Variants in HAUS3 observed in about 807,000 individuals in gnomAD.
HAUS3 encodes the protein HAUS augmin like complex subunit 3, also known as HAUS augmin-like complex subunit 3.
In HAUS3, 36 loss-of-function variants were observed where a neutral mutation model predicts 55.2. The observed-to-expected ratio is 0.65, with a 90% confidence interval of 0.50 to 0.86. The LOEUF is 0.86. HAUS3 is among the 40% of genes least tolerant of loss of function. The probability of loss-of-function intolerance (pLI) is 0.00; values close to 1 mark genes in which losing one functional copy is unlikely to be tolerated. For missense variants in HAUS3, 752 were observed against 671.5 expected, an observed-to-expected ratio of 1.12 and a Z score of -1.33; for synonymous variants, 234 against 238.6, an observed-to-expected ratio of 0.98 and a Z score of 0.18.
chr4:2,239,059 C>T lies in HAUS3; in HGVS notation c.910-16G>A, dbSNP rs770949327. The T allele has an allele frequency of 1.4e-6, 2 of 1,392,484 alleles. No homozygotes were observed. The highest frequency in any genetic ancestry group is 1.9e-6 in the Non-Finnish European group (2 of 1,048,736). The allele number at this position is 1,392,484 out of a possible 1,614,324, so 86.3% of individuals were successfully genotyped here. ...TGTCCACAGCCTATACAAAGAAAAG[C>T]AATTACATTTCAAACTGTATGCCTA... is the stretch of plus-strand genomic sequence containing the variant. On this transcript the variant is annotated splice_polypyrimidine_tract_variant and intron_variant, in intron 3 of 5. Transcript: ENST00000443786.
intron 4 of HAUS3, among the ~76,000 whole-genome samples, chr4:2,237,355 G>C (rs1480877798): frequency 1.3e-5 from 2 of 149,040 alleles, no homozygotes; most frequent in African/African-American, 2.5e-5. Context: ...AGGATCACTT[G>C]AGCCCAGGAG....
rs1734477966 is a variant in HAUS3, at chr4:2,228,925, G to C, written c.*3002C>G. 5.8e-6 allele frequency: 3 copies of C among 519,752 alleles called. No individual in the cohort carries two copies. The highest frequency in any genetic ancestry group is 1.0e-5 in the Non-Finnish European group (3 of 297,350). The allele number at this position is 519,752 out of a possible 1,614,324, so 32.2% of individuals were successfully genotyped here. A position where few individuals can be genotyped will look rare whatever the true frequency, so the allele number is the denominator to read the frequency against. On this transcript the variant is annotated 3_prime_UTR_variant, in exon 6 of 6. Transcript: ENST00000443786. ...AGTGTTACATTTTTAAAGCAATGAA[G>C]GTTAAGGGAACACGAAAGTTAGCAA...
rs1734874999 is a variant in HAUS3 at position 2,239,017 on chromosome 4, A to G, written c.936T>C (p.Ala312=). The G allele has an allele frequency of 6.5e-7, 1 of 1,538,642 alleles. No homozygotes were observed. Among genetic ancestry groups the G allele is most frequent in the Admixed American group, 2.2e-5 (1 of 45,974 alleles). ...SKAVDKENLD[A]KISSLTSEIM... is the part of the protein sequence containing the mutation. ...TCTCACTGGTCAAGCTAGAAATTTTAGCATCCAAATTTTCTTTGTCCACAG... is the reference window on the plus strand; with the variant it reads ...TCTCACTGGTCAAGCTAGAAATTTTGGCATCCAAATTTTCTTTGTCCACAG... Residue 312 remains alanine (A), a synonymous_variant, in exon 4 of 6, where the codon GCT becomes GCC. Transcript: ENST00000443786.
At chr4:2,241,956 AG>A in intron 1 of HAUS3, 94 bp downstream of exon 1, 1 of 985,506 alleles carries the variant, frequency 1.0e-6, no homozygotes, top group Non-Finnish European at 1.2e-6. Context: ...CCAGGAGCGC[AG>A]GAAAAAAAAG....
intron 5 of HAUS3, among the ~76,000 whole-genome samples, chr4:2,234,835 T>C (rs752983706): frequency 1.3e-5 from 2 of 152,166 alleles, no homozygotes; most frequent in African/African-American, 2.4e-5. Context: ...ATATAACTTA[T>C]AAAATAGACT....
rs371093295 is a variant in HAUS3, at chr4:2,231,898, C to T, written c.*29G>A. 1.9e-5 allele frequency: 18 copies of T among 941,414 alleles called. No individual in the cohort carries two copies. The highest frequency in any genetic ancestry group is 4.4e-4 in the Middle Eastern group (2 of 4,584). 58.3% of individuals were successfully genotyped at this position (941,414 alleles called of 1,614,324 possible). A position where few individuals can be genotyped will look rare whatever the true frequency, so the allele number is the denominator to read the frequency against. ...GTCTTCTAATAAATAAAAGAGGACA[C>T]GTAATAAAGATTCAGTTTTCAGTAA... On this transcript the variant is annotated 3_prime_UTR_variant, in exon 6 of 6. Coordinates refer to ENST00000443786, the MANE Select transcript of HAUS3 (RefSeq NM_001303143.2).
In HAUS3 at chr4:2,236,548, A is replaced by G. The variant is rs1734774412; in HGVS notation, c.1350-92T>C. 9 of 822,308 alleles carry G rather than the reference A, an allele frequency of 1.1e-5. No homozygotes were observed. The Admixed American group carries it at 2.0e-4, about 18-fold the overall frequency. 50.9% of individuals were successfully genotyped at this position (822,308 alleles called of 1,614,324 possible). A position where few individuals can be genotyped will look rare whatever the true frequency, so the allele number is the denominator to read the frequency against. The stretch of plus-strand genomic sequence containing the variant: ...CCACTGTATTGGGGCATTTGTGGGG[A>G]TAGCTAAGTAACAACTTATAAAAAT... On this transcript the variant is annotated intron_variant, in intron 4 of 5. Transcript: ENST00000443786.
At chr4:2,239,912 G>C in intron 3 of HAUS3, 126 bp downstream of exon 3, 1 of 747,916 alleles carries the variant, frequency 1.3e-6, no homozygotes, top group Non-Finnish European at 2.2e-6. Context: ...AATAAGCACT[G>C]AACAAAGAAA....
In HAUS3 at chr4:2,229,293, TATAAA is replaced by T. The variant is rs1734492935; in HGVS notation, c.*2629_*2633del. On this transcript the variant is annotated 3_prime_UTR_variant, in exon 6 of 6. Coordinates refer to ENST00000443786, the MANE Select transcript of HAUS3 (RefSeq NM_001303143.2). The stretch of plus-strand genomic sequence containing the variant: ...AAATCCCATATATTAATCCTAAGAC[TATAAA>T]ACAGGAAATACAATTATTTTCAAAA... 11 of 1,377,114 alleles carry T rather than the reference TATAAA, an allele frequency of 8.0e-6. 1 individual carries two copies. In the South Asian group the frequency reaches 1.6e-4, roughly 20 times the overall value. The allele number at this position is 1,377,114 out of a possible 1,614,324, so 85.3% of individuals were successfully genotyped here. A position where few individuals can be genotyped will look rare whatever the true frequency, so the allele number is the denominator to read the frequency against.
At position 2,229,094 on chromosome 4, in the gene HAUS3, C is replaced by G. The variant is rs1275736707; in HGVS notation, c.*2833G>C. 2 of 1,577,194 alleles carry G rather than the reference C, an allele frequency of 1.3e-6. No homozygotes were observed. Among genetic ancestry groups the G allele is most frequent in the African/African-American group, 1.4e-5 (1 of 72,904 alleles). Reference sequence around the variant, plus strand: ...GAGAAAGAAAGGTTCATAAAAATTACTTACTCTCTGTACTCTTTCCCCAAG... The same window carrying G: ...GAGAAAGAAAGGTTCATAAAAATTAGTTACTCTCTGTACTCTTTCCCCAAG... On this transcript the variant is annotated 3_prime_UTR_variant, in exon 6 of 6. Transcript: ENST00000443786.
In HAUS3 at chr4:2,228,997, G is replaced by A. The variant is rs1734481948; in HGVS notation, c.*2930C>T. ...AATGAGTGTAAAAGGGGCGGGAGCT[G>A]GGCTTCATCTGTCTACATGCATTCC... On this transcript the variant is annotated 3_prime_UTR_variant, in exon 6 of 6. Transcript: ENST00000443786. 6.8e-6 allele frequency: 8 copies of A among 1,176,660 alleles called. No individual in the cohort carries two copies. The highest frequency in any genetic ancestry group is 1.6e-5 in the African/African-American group (1 of 63,262). The allele number at this position is 1,176,660 out of a possible 1,614,324, so 72.9% of individuals were successfully genotyped here.
Position 2,228,883 on chromosome 4 carries a change from C to A in HAUS3, c.*3044G>T, listed in dbSNP as rs892577813. On this transcript the variant is annotated 3_prime_UTR_variant, in exon 6 of 6. Coordinates refer to ENST00000443786, the MANE Select transcript of HAUS3 (RefSeq NM_001303143.2). ...TCTAAGGGAATGTTTGACAGAAATA[C>A]CTGGAATAAGGAAGAGAGTGTTACA... 9.9e-6 allele frequency: 4 copies of A among 403,406 alleles called. No individual in the cohort carries two copies. The Admixed American group carries it at 1.7e-4, about 18-fold the overall frequency. 25.0% of individuals were successfully genotyped at this position (403,406 alleles called of 1,614,324 possible). A position where few individuals can be genotyped will look rare whatever the true frequency, so the allele number is the denominator to read the frequency against.
At position 2,238,964 on chromosome 4, in the gene HAUS3, T is replaced by A. The variant is rs1176972695; in HGVS notation, c.989A>T (p.Gln330Leu). 6.3e-7 allele frequency: 1 copy of A among 1,590,660 alleles called. No homozygotes were observed. The highest frequency in any genetic ancestry group is 1.9e-5 in the Admixed American group (1 of 53,464). The change falls in exon 4 of 6, where the codon CAA becomes CTA. Residue 330 changes from glutamine (Q) to leucine (L), a missense_variant. Transcript: ENST00000443786. The part of the protein sequence containing the change: ...EIMKLEKEVT[Q>L]IKDRSLPAVV... ...AGCAGGTAAACTTCTGTCTTTTATTTGAGTGACCTCTTTTTCAAGTTTCAT... is the reference window on the plus strand; with the variant it reads ...AGCAGGTAAACTTCTGTCTTTTATTAGAGTGACCTCTTTTTCAAGTTTCAT...
At chr4:2,233,862 T>C (rs918633357) in intron 5 of HAUS3, among the ~76,000 whole-genome samples, 1 of 152,228 alleles carries the variant, frequency 6.6e-6, no homozygotes, top group Non-Finnish European at 1.5e-5. Flanking sequence ...TAGACACTTA[T>C]ATAGTGCTGG....
chr4:2,229,230 A>G lies in HAUS3; in HGVS notation c.*2697T>C. 2 of 1,594,998 alleles carry G rather than the reference A, an allele frequency of 1.3e-6. No individual in the cohort carries two copies. Among genetic ancestry groups the G allele is most frequent in the East Asian group, 2.2e-5 (1 of 44,482 alleles). ...GCCTACCAATGCCTCATAATTTTCC[A>G]TTTTCACAAAATCCTAAATGTAAGA... On this transcript the variant is annotated 3_prime_UTR_variant, in exon 6 of 6. Transcript: ENST00000443786.
rs978421010 is a variant in HAUS3, at chr4:2,228,984, A to T, written c.*2943T>A. The T allele has an allele frequency of 5.9e-6, 6 of 1,019,844 alleles. No homozygotes were observed. The African/African-American group carries it at 1.0e-4, about 17-fold the overall frequency. The allele number at this position is 1,019,844 out of a possible 1,614,324, so 63.2% of individuals were successfully genotyped here. A position where few individuals can be genotyped will look rare whatever the true frequency, so the allele number is the denominator to read the frequency against. ...TCAGTCTGCACTGAATGAGTGTAAA[A>T]GGGGCGGGAGCTGGGCTTCATCTGT... On this transcript the variant is annotated 3_prime_UTR_variant, in exon 6 of 6. Transcript: ENST00000443786.
chr4:2,241,117 T>G (rs1231463283), intron 2 of HAUS3, 24 bp from the exon 3 acceptor site: 1 of 554,520 alleles, frequency 1.8e-6, no homozygotes, highest in African/African-American at 2.0e-5. Flanking sequence ...AAACAAGTAT[T>G]AGACCACAAA....
At position 2,238,936 on chromosome 4, in the gene HAUS3, C is replaced by G; in HGVS notation, c.1017G>C (p.Val339=). 1 of 1,609,168 alleles carries G rather than the reference C, an allele frequency of 6.2e-7. No individual in the cohort carries two copies. The highest frequency in any genetic ancestry group is 8.5e-7 in the Non-Finnish European group (1 of 1,177,790). The change falls in exon 4 of 6, where the codon GTG becomes GTC. Residue 339 remains valine, a synonymous_variant. Coordinates refer to ENST00000443786, the MANE Select transcript of HAUS3 (RefSeq NM_001303143.2). ...TCAATAACTGGGCATTCTCTCTTAC[C>G]ACAGCAGGTAAACTTCTGTCTTTTA... ...TQIKDRSLPA[V]VRENAQLLNM...
In HAUS3 at chr4:2,232,070, T is replaced by C. The variant is rs1434386727; in HGVS notation, c.1669A>G (p.Arg557Gly). 1 of 1,598,800 alleles carries C rather than the reference T, an allele frequency of 6.3e-7. No homozygotes were observed. The highest frequency in any genetic ancestry group is 1.3e-5 in the African/African-American group (1 of 74,572). Reference protein sequence around the residue: ...TDILADVKTKRKTLANNKLHQ... With the variant: ...TDILADVKTKGKTLANNKLHQ... ...AATTTATTATTTGCCAAAGTTTTTC[T>C]TTTTGTCTTCACATCAGCAAGAATA... The change falls in exon 6 of 6, where the codon AGA becomes GGA. Residue 557 changes from arginine (R) to glycine (G), a missense_variant. Physicochemically the swap from Arg to Gly is moderately radical, Grantham distance 125. Coordinates refer to ENST00000443786, the MANE Select transcript of HAUS3 (RefSeq NM_001303143.2).
Sources: allele counts gnomAD v4.1 joint callset (sites outside exome capture counted in the v4.1 genomes callset), GRCh38; gene constraint gnomAD v4.1.1; transcripts MANE v1.5; gene names NCBI Gene and HGNC (gene_info 2026-07-23, HGNC 2026-07-21).